PNMA6E: variants seen among roughly 807,000 people sequenced by gnomAD.
PNMA6E encodes the protein paraneoplastic antigen Ma6E.
For missense variants in PNMA6E, 78 were observed against 50.8 expected (o/e 1.53, Z -1.63); for synonymous variants, 43 against 17.1 (o/e 2.52, Z -3.74).
the PNMA6E span, among the ~76,000 whole-genome samples, chrX:153,413,423 A>G: frequency 2.8e-5 from 3 of 107,172 alleles, no homozygotes; most frequent in African/African-American, 1.0e-4. Flanking sequence ...AGTTCCACCC[A>G]TAGGCTAAGG....
At position 153,398,736 on chromosome X, in the gene PNMA6E, G is replaced by A. The variant is rs1602873871; in HGVS notation, c.114C>T (p.Ala38=). Residue 38 remains alanine (A), a synonymous_variant, in exon 2 of 2, where the codon GCC becomes GCT. Transcript: ENST00000445091. The stretch of plus-strand genomic sequence containing the variant: ...CCAGGGGCGACAGGGCAGCCCGCAC[G>A]GCCTCCTGGAACTCATGTTCCTTGC... The part of the protein sequence containing the change: ...DDCKEHEFQE[A]VRAALSPLGR... 6.5e-6 allele frequency: 2 copies of A among 307,453 alleles called. No homozygotes were observed. The highest frequency in any genetic ancestry group is 1.1e-5 in the Non-Finnish European group (2 of 176,036). 25.3% of individuals were successfully genotyped at this position (307,453 alleles called of 1,213,427 possible). A position where few individuals can be genotyped will look rare whatever the true frequency, so the allele number is the denominator to read the frequency against.
the PNMA6E span, among the ~76,000 whole-genome samples, chrX:153,409,231 G>A: frequency 8.8e-6 from 1 of 113,476 alleles, no homozygotes. Context: ...GACTGTGAGA[G>A]GGCTAGGTGT....
chrX:153,413,044 C>T, the PNMA6E span, among the ~76,000 whole-genome samples: 1 of 111,077 alleles, frequency 9.0e-6, no homozygotes, highest in South Asian at 3.8e-4. Flanking sequence ...GTTTCCTTCT[C>T]CAGCCGTTCT....
chrX:153,397,099 G>C lies in PNMA6E; in HGVS notation c.1751C>G (p.Ala584Gly), dbSNP rs1246385307. 3.4e-6 allele frequency: 1 copy of C among 296,916 alleles called. No homozygotes were observed. Among genetic ancestry groups the C allele is most frequent in the Non-Finnish European group, 5.9e-6 (1 of 170,168 alleles). The allele number at this position is 296,916 out of a possible 1,213,427, so 24.5% of individuals were successfully genotyped here. The change falls in exon 2 of 2, where the codon GCC becomes GGC. Residue 584 changes from alanine (A) to glycine (G), a missense_variant. Transcript: ENST00000445091. ...PIEVPWGSSP[A>G]RMSSAVWVFP... ...CACCCAGACAGCACTGCTCATCCGG[G>C]CTGGGGAGGAGCCCCAGGGGACCTC...
intron 1 of PNMA6E, among the ~76,000 whole-genome samples, chrX:153,400,456 A>T (rs5945372): frequency 9.1e-6 from 1 of 110,096 alleles, no homozygotes; most frequent in East Asian, 2.9e-4. Flanking sequence ...GCGCCCCCTA[A>T]ACCCAGCTGG....
At chrX:153,401,649 G>A (rs926019565), upstream of PNMA6E, among the ~76,000 whole-genome samples, 2 of 112,130 alleles carry the variant, frequency 1.8e-5, no homozygotes, top group African/African-American at 3.2e-5. Flanking sequence ...TTTGCAAAGC[G>A]AAAGTTCATT....
upstream of PNMA6E, among the ~76,000 whole-genome samples, chrX:153,404,611 G>A (rs1443594269): frequency 3.6e-5 from 4 of 111,980 alleles, no homozygotes; most frequent in South Asian, 7.4e-4. Context: ...TCCAGACTCC[G>A]TTTCCACGGT....
At chrX:153,408,511 G>A in the PNMA6E span, among the ~76,000 whole-genome samples, 36 of 112,469 alleles carry the variant, frequency 3.2e-4, no homozygotes, top group African/African-American at 1.0e-3. Context: ...GCAGTACTCC[G>A]ACCCTTCTGC....
chrX:153,397,294 G>C lies in PNMA6E; in HGVS notation c.1556C>G (p.Ala519Gly), dbSNP rs1174154053. Residue 519 changes from alanine to glycine, a missense_variant, in exon 2 of 2, where the codon GCT becomes GGT. By Grantham distance (60) the Ala-to-Gly change is moderately conservative. Transcript: ENST00000445091. ...CCCCTGGGCTGGGGAGGCCTGGGCA[G>C]CAGCTGGGTCTTCACTCTCCACTGG... ...AAPVESEDPA[A>G]AQASPAQGNA... 5 of 296,712 alleles carry C rather than the reference G, an allele frequency of 1.7e-5. No individual in the cohort carries two copies. The highest frequency in any genetic ancestry group is 1.4e-4 in the African/African-American group (5 of 36,743). 24.5% of individuals were successfully genotyped at this position (296,712 alleles called of 1,213,427 possible). A position where few individuals can be genotyped will look rare whatever the true frequency, so the allele number is the denominator to read the frequency against.
chrX:153,413,031 C>T, the PNMA6E span, among the ~76,000 whole-genome samples: 2 of 111,181 alleles, frequency 1.8e-5, no homozygotes, highest in African/African-American at 6.5e-5. Flanking sequence ...CTGGGTTTCT[C>T]CAGTTTCCTT....
intron 1 of PNMA6E, among the ~76,000 whole-genome samples, chrX:153,399,309 TTGTGTGTGTG>T (rs200672716): frequency 9.6e-6 from 1 of 104,046 alleles, no homozygotes; most frequent in African/African-American, 3.5e-5. Flanking sequence ...CTCTTGTGTG[TTGTGTGTGTG>T]TGTGTGTGTG....
intron 1 of PNMA6E, among the ~76,000 whole-genome samples, chrX:153,400,999 C>G (rs1031515923): frequency 4.5e-5 from 5 of 111,147 alleles, no homozygotes; most frequent in Admixed American, 9.4e-5. Flanking sequence ...AACCCCTCCC[C>G]TCAGCCCTCC....
At chrX:153,409,647 G>A in the PNMA6E span, among the ~76,000 whole-genome samples, 4 of 112,880 alleles carry the variant, frequency 3.5e-5, no homozygotes, top group African/African-American at 9.6e-5. Context: ...GTCCACACAC[G>A]CGGTGCCAAC....
At chrX:153,398,984 T>C (rs1279729098) in intron 1 of PNMA6E, 64 bp from the exon 2 acceptor site, 2 of 294,270 alleles carry the variant, frequency 6.8e-6, no homozygotes, top group East Asian at 9.6e-5. Context: ...CATCTGCCCC[T>C]ACGTGTGTGG....
the PNMA6E span, among the ~76,000 whole-genome samples, chrX:153,407,784 T>C: frequency 4.5e-5 from 5 of 112,101 alleles, no homozygotes; most frequent in Non-Finnish European, 7.5e-5. Context: ...CAGCTGCACA[T>C]GTGTTCCTGG....
Position 153,396,902 on chromosome X carries a change from G to A in PNMA6E, c.*4C>T. ...AGGAGAGGAGGCCCCGGGGCCCTAG[G>A]AGCCTATTTGCCCTGGGAGGACTTG... On this transcript the variant is annotated 3_prime_UTR_variant, in exon 2 of 2. Coordinates refer to ENST00000445091, the MANE Select transcript of PNMA6E (RefSeq NM_001367770.1). 2 of 297,798 alleles carry A rather than the reference G, an allele frequency of 6.7e-6. No homozygotes were observed. Among genetic ancestry groups the A allele is most frequent in the Non-Finnish European group, 1.2e-5 (2 of 170,321 alleles). The allele number at this position is 297,798 out of a possible 1,213,427, so 24.5% of individuals were successfully genotyped here.
At position 153,397,152 on chromosome X, in the gene PNMA6E, G is replaced by C. The variant is rs181450068; in HGVS notation, c.1698C>G (p.Pro566=). 2 of 296,793 alleles carry C rather than the reference G, an allele frequency of 6.7e-6. No homozygotes were observed. The highest frequency in any genetic ancestry group is 1.2e-5 in the Non-Finnish European group (2 of 170,105). The allele number at this position is 296,793 out of a possible 1,213,427, so 24.5% of individuals were successfully genotyped here. ...AGEGESAPAG[P]EGLGQARPIE... ...TGGGCCTTGCCTGACCTAGGCCTTC[G>C]GGGCCTGCAGGGGCACTTTCACCTT... Residue 566 remains proline, a synonymous_variant, in exon 2 of 2, where the codon CCC becomes CCG. Transcript: ENST00000445091.
chrX:153,396,717 C>T lies in PNMA6E; in HGVS notation c.*189G>A, dbSNP rs782757427. 1.1e-5 allele frequency: 3 copies of T among 283,372 alleles called. No individual in the cohort carries two copies. Among genetic ancestry groups the T allele is most frequent in the African/African-American group, 8.3e-5 (3 of 36,296 alleles). The allele number at this position is 283,372 out of a possible 1,213,427, so 23.4% of individuals were successfully genotyped here. A position where few individuals can be genotyped will look rare whatever the true frequency, so the allele number is the denominator to read the frequency against. On this transcript the variant is annotated 3_prime_UTR_variant, in exon 2 of 2. Transcript: ENST00000445091. The stretch of plus-strand genomic sequence containing the variant: ...GGGAGCGGGGGGGCGCCTCTCCCCA[C>T]CCCATTTTGTATCAAACGTGGTCAT...
intron 1 of PNMA6E, among the ~76,000 whole-genome samples, chrX:153,399,654 C>T (rs1308374976): frequency 8.9e-6 from 1 of 111,768 alleles, no homozygotes; most frequent in Non-Finnish European, 1.9e-5. Context: ...AGCCCCCTCT[C>T]ATCTTAATTA....
Sources: gnomAD v4.1 joint callset for allele counts (sites outside exome capture counted in the v4.1 genomes callset) on GRCh38, gnomAD v4.1.1 for gene constraint, MANE v1.5 for transcripts, NCBI Gene and HGNC (gene_info 2026-07-23, HGNC 2026-07-21) for gene names.